The following APBA2 variants were observed in gnomAD, a reference collection of about 807,000 sequenced individuals.
The protein encoded by APBA2 is amyloid-beta A4 precursor protein-binding family A member 2.
A neutral mutation model predicts 75.0 loss-of-function variants in APBA2; 30 were observed. That is an observed-to-expected ratio of 0.40 (90% CI 0.30 to 0.54). APBA2 has a LOEUF of 0.54. Ranked by LOEUF, APBA2 falls within the 20% of genes least tolerant of loss-of-function variation. The pLI, the probability that APBA2 is intolerant of heterozygous loss-of-function variation, is 0.49. For synonymous variants in APBA2, 444 were observed against 409.6 expected, an observed-to-expected ratio of 1.08 and a Z score of -1.01; for missense variants, 801 against 1,016.1, an observed-to-expected ratio of 0.79 and a Z score of 2.88.
chr15:29,003,090 G>T (rs1300677339), intron 3 of APBA2, among the ~76,000 whole-genome samples: 1 of 152,114 alleles, frequency 6.6e-6, no homozygotes, highest in Non-Finnish European at 1.5e-5. Flanking sequence ...GCAGAGGCCA[G>T]CTTGACCTGT....
chr15:28,979,579 C>T (rs2037515458), intron 2 of APBA2, among the ~76,000 whole-genome samples: 2 of 152,204 alleles, frequency 1.3e-5, no homozygotes, highest in African/African-American at 4.8e-5. Flanking sequence ...GTCAGTTCCT[C>T]CCCATTTGTG....
At chr15:28,970,689 A>G (rs1395833566) in intron 2 of APBA2, among the ~76,000 whole-genome samples, 1 of 151,844 alleles carries the variant, frequency 6.6e-6, no homozygotes, top group Non-Finnish European at 1.5e-5. Flanking sequence ...GTCACCAGGA[A>G]GGCTACTTTG....
At position 28,970,557 on chromosome 15, in the gene APBA2, T is replaced by C. The variant is rs146760418; in HGVS notation, c.-94-25196T>C. ...TAGTAATTTGTTATTATTCTTCCTA[T>C]TACTATTTTTAAGGGACAATTTTGG... On this transcript the variant is annotated intron_variant, in intron 2 of 14. Coordinates refer to ENST00000683413, the MANE Select transcript of APBA2 (RefSeq NM_001353788.2). 2.9e-3 allele frequency: 437 copies of C among 150,630 alleles called. 3 individuals are homozygous for C. Among genetic ancestry groups the C allele is most frequent in the African/African-American group, 0.01 (413 of 41,232 alleles). 9.3% of individuals were successfully genotyped at this position (150,630 alleles called of 1,614,324 possible).
chr15:29,021,900 A>G (rs117155643), intron 3 of APBA2, among the ~76,000 whole-genome samples: 12 of 152,214 alleles, frequency 7.9e-5, no homozygotes, highest in Non-Finnish European at 1.8e-4. Context: ...TGCGGTATTT[A>G]TCTTTCTGTG....
chr15:28,943,914 TGGGGAGGCTGGG>T (rs972908731), intron 2 of APBA2, among the ~76,000 whole-genome samples: 4 of 152,112 alleles, frequency 2.6e-5, no homozygotes, highest in Non-Finnish European at 4.4e-5. Flanking sequence ...TTGTCCTGCT[TGGGGAGGCTGGG>T]GTGGCCGCTA....
At chr15:29,023,678 A>G (rs1419024035) in intron 3 of APBA2, among the ~76,000 whole-genome samples, 3 of 148,718 alleles carry the variant, frequency 2.0e-5, no homozygotes, top group African/African-American at 7.4e-5. Flanking sequence ...CTGGTCTTGA[A>G]CTCCTGACCT....
intron 2 of APBA2, among the ~76,000 whole-genome samples, chr15:28,954,820 C>T (rs2036081311): frequency 6.6e-6 from 1 of 152,200 alleles, no homozygotes; most frequent in Non-Finnish European, 1.5e-5. Flanking sequence ...TTTCTTTCCC[C>T]ATCTGCTTTG....
At chr15:29,090,092 C>T (rs541192064) in intron 6 of APBA2, among the ~76,000 whole-genome samples, 12 of 152,296 alleles carry the variant, frequency 7.9e-5, no homozygotes, top group Admixed American at 3.9e-4. Context: ...GTTCTCCTCC[C>T]GTGGTGCGTG....
At chr15:29,057,451 A>G (rs2041948765) in intron 4 of APBA2, among the ~76,000 whole-genome samples, 1 of 152,228 alleles carries the variant, frequency 6.6e-6, no homozygotes, top group Admixed American at 6.5e-5. Context: ...AGTAAAATAG[A>G]GTTAGAAAAA....
intron 2 of APBA2, among the ~76,000 whole-genome samples, chr15:28,938,149 A>G (rs981271615): frequency 6.6e-6 from 1 of 152,174 alleles, no homozygotes; most frequent in Non-Finnish European, 1.5e-5. Context: ...CCTCCAGAGC[A>G]GAGATTGCCA....
chr15:29,067,721 G>A (rs756101497), intron 4 of APBA2, among the ~76,000 whole-genome samples: 6 of 152,168 alleles, frequency 3.9e-5, no homozygotes, highest in Non-Finnish European at 7.3e-5. Context: ...ATTCTACTGT[G>A]TATATTCCTA....
chr15:29,045,852 C>T (rs1465623065), intron 3 of APBA2, among the ~76,000 whole-genome samples: 1 of 152,200 alleles, frequency 6.6e-6, no homozygotes, highest in Non-Finnish European at 1.5e-5. Flanking sequence ...CCCTCAGAAA[C>T]AGTCACCCTC....
intron 2 of APBA2, among the ~76,000 whole-genome samples, chr15:28,944,281 A>T (rs2035413273): frequency 6.6e-6 from 1 of 152,114 alleles, no homozygotes; most frequent in Non-Finnish European, 1.5e-5. Flanking sequence ...GCAGGAGCCT[A>T]GATCACCTGC....
At chr15:28,939,920 G>A (rs946752262) in intron 2 of APBA2, among the ~76,000 whole-genome samples, 1 of 152,186 alleles carries the variant, frequency 6.6e-6, no homozygotes, top group Non-Finnish European at 1.5e-5. Context: ...GTGGAACCAC[G>A]ATCCACGGAG....
intron 5 of APBA2, 141 bp from the exon 6 acceptor site, chr15:29,075,914 C>T: frequency 1.3e-6 from 1 of 771,312 alleles, no homozygotes; most frequent in Non-Finnish European, 2.3e-6. Context: ...CTGTATGGAG[C>T]TGACATCTTC....
intron 2 of APBA2, among the ~76,000 whole-genome samples, chr15:28,924,956 G>A (rs2034180274): frequency 6.6e-6 from 1 of 152,040 alleles, no homozygotes; most frequent in South Asian, 2.1e-4. Context: ...GTTTCATGAT[G>A]GCCAGTCTAT....
chr15:28,931,536 C>T (rs1324576673), intron 2 of APBA2, among the ~76,000 whole-genome samples: 2 of 152,208 alleles, frequency 1.3e-5, no homozygotes, highest in Non-Finnish European at 2.9e-5. Context: ...CAAACATCCA[C>T]TGCCCTTTTA....
chr15:28,971,726 T>TA (rs1240350154), intron 2 of APBA2, among the ~76,000 whole-genome samples: 1 of 151,968 alleles, frequency 6.6e-6, no homozygotes, highest in Admixed American at 6.6e-5. Flanking sequence ...TCTCCTTAAT[T>TA]AAAAAAACTG....
At chr15:29,020,977 G>A (rs60519135) in intron 3 of APBA2, among the ~76,000 whole-genome samples, 1 of 152,278 alleles carries the variant, frequency 6.6e-6, no homozygotes, top group African/African-American at 2.4e-5. Flanking sequence ...AGCGTTCTGG[G>A]GGGTCGGGAG....
Sources: gnomAD v4.1 joint callset for allele counts (sites outside exome capture counted in the v4.1 genomes callset) on GRCh38, gnomAD v4.1.1 for gene constraint, MANE v1.5 for transcripts, NCBI Gene and HGNC (gene_info 2026-07-23, HGNC 2026-07-21) for gene names.